ETF1: variants seen among roughly 807,000 people sequenced by gnomAD.
The protein encoded by ETF1 is eukaryotic peptide chain release factor subunit 1.
Under a neutral mutation model 55.1 loss-of-function variants are expected in ETF1, and 4 were observed. That is an observed-to-expected ratio of 0.07 (90% CI 0.04 to 0.17). The LOEUF (loss-of-function observed/expected upper bound fraction) is 0.17. Among genes scored for constraint, ETF1 ranks in the 10% least tolerant of loss-of-function variants. The pLI, the probability that ETF1 is intolerant of heterozygous loss-of-function variation, is 1.00. For synonymous variants in ETF1, 157 were observed against 182.3 expected, an observed-to-expected ratio of 0.86 and a Z score of 1.12; for missense variants, 142 against 523.6, an observed-to-expected ratio of 0.27 and a Z score of 7.11.
intron 4 of ETF1, among the ~76,000 whole-genome samples, chr5:138,515,319 G>T (rs1764973637): frequency 6.6e-6 from 1 of 152,180 alleles, no homozygotes; most frequent in South Asian, 2.1e-4. Flanking sequence ...CAGCTACTCA[G>T]GAGGCTGAGG....
At chr5:138,522,786 C>T (rs1765287110) in intron 2 of ETF1, among the ~76,000 whole-genome samples, 1 of 152,024 alleles carries the variant, frequency 6.6e-6, no homozygotes, top group Admixed American at 6.6e-5. Flanking sequence ...GCAGGAGGAT[C>T]ACAAGGTCAG....
chr5:138,526,160 T>C (rs963773290), intron 2 of ETF1, among the ~76,000 whole-genome samples: 4 of 152,072 alleles, frequency 2.6e-5, no homozygotes, highest in Admixed American at 1.3e-4. Context: ...TAGCCCAATA[T>C]GCCAGCTTTA....
At chr5:138,530,818 G>C (rs181014796) in intron 2 of ETF1, among the ~76,000 whole-genome samples, 1,977 of 152,296 alleles carry the variant, frequency 0.013, 24 homozygotes, top group Non-Finnish European at 0.019. Context: ...GTCTGCCTTG[G>C]CCTCCCAAAG....
rs572203110 is a variant in ETF1, at chr5:138,508,156, GTTTTC to G, written c.*144_*148del. On this transcript the variant is annotated 3_prime_UTR_variant, in exon 11 of 11. Transcript: ENST00000360541. ...TAGGGCTGGGTCTGGTTTTGTTTCG[GTTTTC>G]TTTTCAATATCCAATGCTCATGGAT... 465 of 1,047,070 alleles carry G rather than the reference GTTTTC, an allele frequency of 4.4e-4. 6 individuals are homozygous for G. The South Asian group carries it at 8.1e-3, about 18-fold the overall frequency. 64.9% of individuals were successfully genotyped at this position (1,047,070 alleles called of 1,614,324 possible).
intron 2 of ETF1, among the ~76,000 whole-genome samples, chr5:138,533,213 C>T (rs1021740911): frequency 2.7e-4 from 41 of 151,326 alleles, no homozygotes; most frequent in African/African-American, 8.0e-4. Flanking sequence ...GGATTACAGG[C>T]GTGAGCCACC....
At chr5:138,519,323 T>C (rs954264444) in intron 2 of ETF1, 11 of 340,092 alleles carry the variant, frequency 3.2e-5, no homozygotes, top group Non-Finnish European at 4.2e-5. Context: ...ATTCTAATGA[T>C]GGGAAAGGAG....
At chr5:138,513,513 G>A in intron 5 of ETF1, 55 bp downstream of exon 5, 2 of 1,466,492 alleles carry the variant, frequency 1.4e-6, no homozygotes, top group Non-Finnish European at 1.9e-6. Flanking sequence ...CCACCATACT[G>A]TTTTCTTATT....
intron 2 of ETF1, among the ~76,000 whole-genome samples, chr5:138,541,277 A>C (rs1298171257): frequency 6.6e-6 from 1 of 152,148 alleles, no homozygotes; most frequent in Non-Finnish European, 1.5e-5. Flanking sequence ...ATAACTGGTC[A>C]CTCTATCATA....
intron 9 of ETF1, 99 bp downstream of exon 9, chr5:138,510,466 A>T: frequency 1.3e-6 from 1 of 796,978 alleles, no homozygotes; most frequent in Non-Finnish European, 2.1e-6. Flanking sequence ...CAATTAGTAT[A>T]AGGTTTGGTT....
intron 6 of ETF1, among the ~76,000 whole-genome samples, chr5:138,512,225 A>AAATAC (rs1764823149): frequency 9.1e-5 from 4 of 44,128 alleles, no homozygotes; most frequent in African/African-American, 5.2e-4. Flanking sequence ...AAAAAAAAAA[A>AAATAC]ATATATATAT....
At position 138,513,001 on chromosome 5, in the gene ETF1, C is replaced by T. The variant is rs200538011; in HGVS notation, c.542-47G>A. ...AGAAAAAGGCAATTATTAAGAACTA[C>T]AAGATGTCTTCAAATTAAAAATAAA... is the stretch of plus-strand genomic sequence containing the variant. On this transcript the variant is annotated intron_variant, in intron 5 of 10. Coordinates refer to ENST00000360541, the MANE Select transcript of ETF1 (RefSeq NM_004730.4). 4.1e-6 allele frequency: 6 copies of T among 1,471,926 alleles called. No individual in the cohort carries two copies. In the Admixed American group the frequency reaches 1.1e-4, roughly 28 times the overall value. The allele number at this position is 1,471,926 out of a possible 1,614,324, so 91.2% of individuals were successfully genotyped here. A position where few individuals can be genotyped will look rare whatever the true frequency, so the allele number is the denominator to read the frequency against.
chr5:138,539,295 T>A (rs1471398590), intron 2 of ETF1, among the ~76,000 whole-genome samples: 1 of 152,188 alleles, frequency 6.6e-6, no homozygotes, highest in African/African-American at 2.4e-5. Flanking sequence ...TGTCCAACAT[T>A]ATTTCTGAGG....
At chr5:138,514,177 A>C (rs1764922977) in intron 4 of ETF1, 1 of 152,390 alleles carries the variant, frequency 6.6e-6, no homozygotes, top group Non-Finnish European at 1.5e-5. Context: ...TCAGAGACAA[A>C]AAGTCAAATG....
intron 2 of ETF1, among the ~76,000 whole-genome samples, chr5:138,528,322 T>C (rs1363980111): frequency 6.6e-6 from 1 of 152,198 alleles, no homozygotes; most frequent in South Asian, 2.1e-4. Context: ...TCAAATAAGA[T>C]AATGATGTGG....
intron 1 of ETF1, 38 bp from the exon 2 acceptor site, chr5:138,542,974 A>G: frequency 6.3e-7 from 1 of 1,590,978 alleles, no homozygotes. Flanking sequence ...CACCAAGACC[A>G]CAGAGTTAGC....
chr5:138,542,338 C>A (rs986312904), intron 2 of ETF1, among the ~76,000 whole-genome samples: 1 of 152,148 alleles, frequency 6.6e-6, no homozygotes, highest in Non-Finnish European at 1.5e-5. Context: ...CTGTCCCTGG[C>A]CACCTCTGCT....
At chr5:138,513,780 T>C in intron 4 of ETF1, 74 bp from the exon 5 acceptor site, 2 of 1,490,830 alleles carry the variant, frequency 1.3e-6, no homozygotes, top group Non-Finnish European at 1.8e-6. Flanking sequence ...TGAAAGGATA[T>C]ATACAAGCCC....
intron 2 of ETF1, among the ~76,000 whole-genome samples, chr5:138,524,207 G>T (rs1199702587): frequency 1.3e-5 from 2 of 148,438 alleles, no homozygotes; most frequent in Non-Finnish European, 3.0e-5. Flanking sequence ...AAAAAAAAAA[G>T]TTGGGCATGG....
At chr5:138,533,173 C>T (rs1765773780) in intron 2 of ETF1, among the ~76,000 whole-genome samples, 1 of 151,890 alleles carries the variant, frequency 6.6e-6, no homozygotes, top group African/African-American at 2.4e-5. Flanking sequence ...CTCCTGACCT[C>T]TCCATCCACC....
Sources: gnomAD v4.1 joint callset for allele counts (sites outside exome capture counted in the v4.1 genomes callset) on GRCh38, gnomAD v4.1.1 for gene constraint, MANE v1.5 for transcripts, NCBI Gene and HGNC (gene_info 2026-07-23, HGNC 2026-07-21) for gene names.